The following HDAC5 variants were observed in gnomAD, a reference collection of about 807,000 sequenced individuals.
HDAC5 encodes the protein histone deacetylase 5, also known as antigen NY-CO-9.
A neutral mutation model predicts 133.3 loss-of-function variants in HDAC5; 25 were observed. The observed-to-expected ratio is 0.19, with a 90% CI of 0.14 to 0.26. HDAC5 has a LOEUF of 0.26. Among genes scored for constraint, HDAC5 ranks in the 10% least tolerant of loss-of-function variants. The probability of loss-of-function intolerance (pLI) is 1.00; values close to 1 mark genes in which losing one functional copy is unlikely to be tolerated. For synonymous variants in HDAC5, 589 were observed against 610.8 expected, an observed-to-expected ratio of 0.96 and a Z score of 0.53; for missense variants, 1,041 against 1,460.5, an observed-to-expected ratio of 0.71 and a Z score of 4.68.
At chr17:44,120,660 C>A (rs1397155876) in intron 1 of HDAC5, 1 of 151,574 alleles carries the variant, frequency 6.6e-6, no homozygotes, top group East Asian at 1.9e-4. Context: ...GAGAATCACT[C>A]GAACCCTGGA....
intron 3 of HDAC5, among the ~76,000 whole-genome samples, chr17:44,094,793 TA>T (rs2051166209): frequency 6.6e-6 from 1 of 151,978 alleles, no homozygotes; most frequent in Non-Finnish European, 1.5e-5. Context: ...TATGTGTGTG[TA>T]TTTATCTCTC....
intron 19 of HDAC5, 45 bp downstream of exon 19, chr17:44,082,720 G>C (rs776120499): frequency 5.0e-6 from 8 of 1,609,894 alleles, no homozygotes; most frequent in Middle Eastern, 1.6e-4. Context: ...CATGACGTTT[G>C]CAAGAGACAG....
At position 44,093,764 on chromosome 17, in the gene HDAC5, G is replaced by C. The variant is rs766054612; in HGVS notation, c.165C>G (p.Ser55Arg). 6.3e-7 allele frequency: 1 copy of C among 1,587,684 alleles called. No homozygotes were observed. Among genetic ancestry groups the C allele is most frequent in the Admixed American group, 1.8e-5 (1 of 56,648 alleles). Residue 55 changes from serine to arginine, a missense_variant, in exon 4 of 27, where the codon AGC (serine) becomes AGG (arginine). Coordinates refer to ENST00000682912, the MANE Select transcript of HDAC5 (RefSeq NM_005474.5). ...CCAGAGCCCCCCGTAGCTCCACAGG[G>C]CTGGGGCTGCCTCCACCCCCACCCC... ...SMGGGGGGSP[S>R]PVELRGALVG...
chr17:44,082,709 G>A, intron 19 of HDAC5, 37 bp from the exon 20 acceptor site: 2 of 1,611,392 alleles, frequency 1.2e-6, no homozygotes, highest in Non-Finnish European at 1.7e-6. Context: ...GTCAGCCTCA[G>A]CATGACGTTT....
intron 19 of HDAC5, 44 bp from the exon 20 acceptor site, chr17:44,082,716 G>T (rs777721425): frequency 1.2e-6 from 2 of 1,610,584 alleles, no homozygotes; most frequent in Middle Eastern, 1.7e-4. Context: ...TCAGCATGAC[G>T]TTTGCAAGAG....
chr17:44,108,483 C>T (rs1468070193), intron 3 of HDAC5, among the ~76,000 whole-genome samples: 1 of 152,146 alleles, frequency 6.6e-6, no homozygotes. Context: ...CAGGCAGGCA[C>T]CACCCTCGAA....
chr17:44,123,068 C>G (rs1297074124), intron 1 of HDAC5, among the ~76,000 whole-genome samples: 1 of 152,178 alleles, frequency 6.6e-6, no homozygotes, highest in African/African-American at 2.4e-5. Flanking sequence ...TGGACAGCAC[C>G]CCTCACCTCA....
chr17:44,115,017 C>T (rs1210498706), intron 2 of HDAC5, among the ~76,000 whole-genome samples: 2 of 152,206 alleles, frequency 1.3e-5, no homozygotes, highest in East Asian at 1.9e-4. Context: ...AAGGAAATCA[C>T]TCACAGTCTC....
intron 3 of HDAC5, among the ~76,000 whole-genome samples, chr17:44,108,156 G>A (rs966717396): frequency 6.6e-6 from 1 of 152,136 alleles, no homozygotes; most frequent in Non-Finnish European, 1.5e-5. Flanking sequence ...ACCTCTGATC[G>A]CTAAGAGCAG....
chr17:44,079,125 G>C lies in HDAC5; in HGVS notation c.3078+19C>G. On this transcript the variant is annotated intron_variant, in intron 24 of 26. Coordinates refer to ENST00000682912, the MANE Select transcript of HDAC5 (RefSeq NM_005474.5). ...CAGACCTCTGGCCTGCCACCTCCCAGCTCCTTCCCACCCCTTACCTCTACA... is the reference window on the plus strand; with the variant it reads ...CAGACCTCTGGCCTGCCACCTCCCACCTCCTTCCCACCCCTTACCTCTACA... The C allele has an allele frequency of 6.2e-7, 1 of 1,604,220 alleles. No individual in the cohort carries two copies. The highest frequency in any genetic ancestry group is 1.1e-5 in the South Asian group (1 of 90,634).
In HDAC5 at chr17:44,093,781, C is replaced by T; in HGVS notation, c.148G>A (p.Gly50Ser). 4.5e-6 allele frequency: 7 copies of T among 1,569,334 alleles called. No individual in the cohort carries two copies. Among genetic ancestry groups the T allele is most frequent in the Non-Finnish European group, 6.1e-6 (7 of 1,156,912 alleles). Residue 50 changes from glycine to serine, a missense_variant, in exon 4 of 27, where the codon GGT (glycine) becomes AGT (serine). Physicochemically the swap from Gly to Ser is moderately conservative, Grantham distance 56. This residue lies in a region of HDAC5 where 93 missense variants were observed against 98.8 expected (regional missense o/e 0.94). Coordinates refer to ENST00000682912, the MANE Select transcript of HDAC5 (RefSeq NM_005474.5). ...RAMPSSMGGG[G>S]GGSPSPVELR... is the part of the protein sequence containing the mutation. Reference sequence around the variant, plus strand: ...TCCACAGGGCTGGGGCTGCCTCCACCCCCACCCCCCATGGAACTGGGCATG... The same window carrying T: ...TCCACAGGGCTGGGGCTGCCTCCACTCCCACCCCCCATGGAACTGGGCATG...
At chr17:44,090,469 G>C (rs1325914986) in intron 11 of HDAC5, among the ~76,000 whole-genome samples, 5 of 151,692 alleles carry the variant, frequency 3.3e-5, no homozygotes, top group African/African-American at 7.3e-5. Flanking sequence ...CCGCCTCCTG[G>C]GTTCAAGCAA....
At chr17:44,086,543 G>A (rs773975925) in intron 14 of HDAC5, 29 bp downstream of exon 14, 48 of 1,291,084 alleles carry the variant, frequency 3.7e-5, no homozygotes, top group Non-Finnish European at 4.6e-5. Context: ...GTGCCTGGCA[G>A]AAGGACCTAA....
intron 3 of HDAC5, among the ~76,000 whole-genome samples, chr17:44,097,181 G>A (rs781379112): frequency 3.9e-5 from 6 of 152,274 alleles, no homozygotes; most frequent in Admixed American, 2.0e-4. Flanking sequence ...GCTGGAGGCC[G>A]AGGCCAAGGC....
rs929777511 is a variant in HDAC5 at position 44,119,502 on chromosome 17, CCT to C, written c.-189-1800_-189-1799del. ...GGTCTTAAAGATGCTGATCCTCACC[CCT>C]GAGGCAGAAGAGGAAGGGAGCAGCT... On this transcript the variant is annotated intron_variant, in intron 1 of 26. Transcript: ENST00000682912. 8.5e-5 allele frequency among the ~76,000 whole-genome samples: 13 copies of C among 152,322 alleles called. 1 individual carries two copies. Among genetic ancestry groups the C allele is most frequent in the Middle Eastern group, 6.8e-3 (2 of 294 alleles).
At chr17:44,083,235 T>C (rs570797715) in intron 18 of HDAC5, among the ~76,000 whole-genome samples, 4 of 152,272 alleles carry the variant, frequency 2.6e-5, no homozygotes, top group Non-Finnish European at 5.9e-5. Context: ...CCTCCCAAAG[T>C]GTTGAGATTA....
chr17:44,111,004 G>C (rs933773061), intron 2 of HDAC5: 2 of 571,902 alleles, frequency 3.5e-6, no homozygotes, highest in African/African-American at 1.9e-5. Context: ...TGCCTCATCC[G>C]GCCTGGGCAC....
At chr17:44,093,055 T>C in intron 6 of HDAC5, 37 bp downstream of exon 6, 1 of 1,499,058 alleles carries the variant, frequency 6.7e-7, no homozygotes, top group Non-Finnish European at 9.1e-7. Context: ...CCTGAGCGGC[T>C]CACCTATGCC....
intron 10 of HDAC5, 83 bp from the exon 11 acceptor site, chr17:44,091,575 C>G: frequency 2.0e-6 from 3 of 1,485,786 alleles, no homozygotes; most frequent in South Asian, 1.3e-5. Context: ...TATCTACCCC[C>G]CAAGCTCTGG....
Sources: gnomAD v4.1 joint callset for allele counts (sites outside exome capture counted in the v4.1 genomes callset) on GRCh38, gnomAD v4.1.1 for gene constraint, gnomAD v4.1.1 regional missense constraint, MANE v1.5 for transcripts, NCBI Gene and HGNC (gene_info 2026-07-23, HGNC 2026-07-21) for gene names.